TBC1D9B: variants seen among roughly 807,000 people sequenced by gnomAD.
TBC1D9B encodes TBC1 domain family, member 9B (with GRAM domain).
A neutral mutation model predicts 121.1 loss-of-function variants in TBC1D9B; 87 were observed. The observed-to-expected ratio is 0.72, with a 90% CI of 0.60 to 0.86. TBC1D9B has a LOEUF of 0.86. Ranked by LOEUF, TBC1D9B falls within the 40% of genes least tolerant of loss-of-function variation. TBC1D9B has a pLI of 0.00. For synonymous variants in TBC1D9B, 668 were observed against 670.1 expected, an observed-to-expected ratio of 1.00 and a Z score of 0.05; for missense variants, 1,540 against 1,628.6, an observed-to-expected ratio of 0.95 and a Z score of 0.94.
intron 16 of TBC1D9B, 65 bp from the exon 17 acceptor site, chr5:179,869,899 C>A: frequency 6.9e-7 from 1 of 1,439,772 alleles, no homozygotes; most frequent in Non-Finnish European, 9.3e-7. Flanking sequence ...CCAGGGGGTC[C>A]GAGTAGGACC....
Position 179,865,891 on chromosome 5 carries a change from G to A in TBC1D9B, c.2864-3C>T, listed in dbSNP as rs1235971154. ...TTGCTCTTCCTGTGGTAGTGCTTCT[G>A]GACAAACGCAAAAATAAAAAGAACA... On this transcript the variant is annotated splice_polypyrimidine_tract_variant and splice_region_variant and intron_variant, in intron 18 of 20. Coordinates refer to ENST00000355235, the MANE Select transcript of TBC1D9B (RefSeq NM_015043.4). The surrounding 1 kb of genome is among the most constrained non-coding windows in gnomAD (Gnocchi z 5.1). 2 of 1,613,882 alleles carry A rather than the reference G, an allele frequency of 1.2e-6. No individual in the cohort carries two copies. The highest frequency in any genetic ancestry group is 1.7e-5 in the Admixed American group (1 of 60,006).
chr5:179,906,525 G>A (rs1015358626), intron 1 of TBC1D9B, among the ~76,000 whole-genome samples: 5 of 152,338 alleles, frequency 3.3e-5, no homozygotes, highest in African/African-American at 1.2e-4. Flanking sequence ...CTGGCGCGCT[G>A]GCGGAAGAAA....
chr5:179,864,883 G>T (rs980636501), intron 20 of TBC1D9B, among the ~76,000 whole-genome samples: 3 of 152,262 alleles, frequency 2.0e-5, no homozygotes, highest in African/African-American at 2.4e-5. Flanking sequence ...CTTCTGATCT[G>T]CGAGACCAGT....
chr5:179,887,706 C>T (rs745314547), intron 7 of TBC1D9B: 14 of 242,282 alleles, frequency 5.8e-5, no homozygotes, highest in Non-Finnish European at 9.6e-5. Context: ...TTTGCTGGTA[C>T]AATAGTGATA....
At position 179,865,804 on chromosome 5, in the gene TBC1D9B, G is replaced by A. The variant is rs1759990230; in HGVS notation, c.2914+34C>T. ...CAAGCAAGGGTGCCTCAACGCTGGG[G>A]TCTCTAAGAACAGCGGCAGAGAATG... On this transcript the variant is annotated intron_variant, in intron 19 of 20. Transcript: ENST00000355235. The surrounding 1 kb of genome is among the most constrained non-coding windows in gnomAD (Gnocchi z 5.1). The A allele has an allele frequency of 6.4e-7, 1 of 1,567,964 alleles. No individual in the cohort carries two copies. Among genetic ancestry groups the A allele is most frequent in the Non-Finnish European group, 8.6e-7 (1 of 1,156,382 alleles).
In TBC1D9B at chr5:179,904,398, GTGT is replaced by G. The variant is rs1328843400; in HGVS notation, c.229+301_229+303del. Among the ~76,000 whole-genome samples, 1 of 151,824 alleles carries G rather than the reference GTGT, an allele frequency of 6.6e-6. No individual in the cohort carries two copies. Among genetic ancestry groups the G allele is most frequent in the Non-Finnish European group, 1.5e-5 (1 of 67,930 alleles). ...CGCCACCACCCCCAGCTAATTTTTT[GTGT>G]TTTTTAGTAGAGACGTGGTTTCACC... On this transcript the variant is annotated intron_variant, in intron 2 of 20. Transcript: ENST00000355235. This position sits in a 1 kb window ranked among gnomAD's most constrained non-coding sequence, Gnocchi z 4.2.
Position 179,863,264 on chromosome 5 carries a change from G to T in TBC1D9B, c.*184C>A. The T allele has an allele frequency of 1.5e-6, 1 of 673,232 alleles. No individual in the cohort carries two copies. Among genetic ancestry groups the T allele is most frequent in the Non-Finnish European group, 2.4e-6 (1 of 413,924 alleles). 41.7% of individuals were successfully genotyped at this position (673,232 alleles called of 1,614,324 possible). ...GAAGCAGCCGGCGCCAGGAGATGCA[G>T]GCCCAGGGAATCTGTCTAAGGCAGC... On this transcript the variant is annotated 3_prime_UTR_variant, in exon 21 of 21. Transcript: ENST00000355235. This position sits in a 1 kb window ranked among gnomAD's most constrained non-coding sequence, Gnocchi z 4.5.
rs1405953112 is a variant in TBC1D9B at position 179,864,244 on chromosome 5, A to C, written c.3022-116T>G. ...TAAGGATGTTGGCTGCCGTCTTGCT[A>C]ATCATCTCCATGAGCCTCATCAGTC... On this transcript the variant is annotated intron_variant, in intron 20 of 20. Coordinates refer to ENST00000355235, the MANE Select transcript of TBC1D9B (RefSeq NM_015043.4). 3 of 1,034,684 alleles carry C rather than the reference A, an allele frequency of 2.9e-6. No homozygotes were observed. In the Admixed American group the frequency reaches 8.2e-5, roughly 28 times the overall value. The allele number at this position is 1,034,684 out of a possible 1,614,324, so 64.1% of individuals were successfully genotyped here.
chr5:179,896,778 C>A (rs746454522), intron 3 of TBC1D9B, among the ~76,000 whole-genome samples: 20 of 152,216 alleles, frequency 1.3e-4, no homozygotes, highest in Non-Finnish European at 2.5e-4. Context: ...CCTGCCTTAG[C>A]CTCCCAAAGT....
chr5:179,875,440 C>A lies in TBC1D9B; in HGVS notation c.1901-253G>T, dbSNP rs1026812768. Reference sequence around the variant, plus strand: ...TATTTTGGGGAAATACTGATTTCTCCGTAAGGCATGAGAGGTAAACAGCAC... The same window carrying A: ...TATTTTGGGGAAATACTGATTTCTCAGTAAGGCATGAGAGGTAAACAGCAC... On this transcript the variant is annotated intron_variant, in intron 11 of 20. Coordinates refer to ENST00000355235, the MANE Select transcript of TBC1D9B (RefSeq NM_015043.4). The surrounding 1 kb of genome is among the most constrained non-coding windows in gnomAD (Gnocchi z 4.5). Among the ~76,000 whole-genome samples the A allele has an allele frequency of 5.9e-5, 9 of 152,166 alleles. No individual in the cohort carries two copies. The highest frequency in any genetic ancestry group is 2.9e-5 in the Non-Finnish European group (2 of 68,034).
intron 14 of TBC1D9B, 38 bp downstream of exon 14, chr5:179,872,854 C>T (rs755663186): frequency 1.3e-6 from 2 of 1,533,566 alleles, no homozygotes; most frequent in Non-Finnish European, 1.8e-6. Context: ...TGCTGCCCCC[C>T]CAGCCCAGCC....
Position 179,891,479 on chromosome 5 carries a change from T to C in TBC1D9B, c.944A>G (p.Asn315Ser), listed in dbSNP as rs1271722448. The change falls in exon 6 of 21, where the codon AAC (asparagine) becomes AGC (serine). Residue 315 changes from asparagine to serine, a missense_variant. By Grantham distance (46) the Asn-to-Ser change is conservative. Coordinates refer to ENST00000355235, the MANE Select transcript of TBC1D9B (RefSeq NM_015043.4). This position sits in a 1 kb window ranked among gnomAD's most constrained non-coding sequence, Gnocchi z 4.3. ...CATCTGGCCAGGGATGTGCAGCTTGTTGAACGGCGTCCACAGGGTGCAGCT... is the reference window on the plus strand; with the variant it reads ...CATCTGGCCAGGGATGTGCAGCTTGCTGAACGGCGTCCACAGGGTGCAGCT... The part of the protein sequence containing the change: ...HTSCTLWTPF[N>S]KLHIPGQMFI... The C allele has an allele frequency of 1.2e-6, 2 of 1,614,234 alleles. No homozygotes were observed. Among genetic ancestry groups the C allele is most frequent in the Non-Finnish European group, 8.5e-7 (1 of 1,180,038 alleles).
chr5:179,866,128 C>CCTCAATTCCTTT (rs1357589112), intron 18 of TBC1D9B: 8 of 514,620 alleles, frequency 1.6e-5, no homozygotes, highest in Non-Finnish European at 2.4e-5. Context: ...GCCGCCAAAC[C>CCTCAATTCCTTT]CTCAATTCCT....
intron 14 of TBC1D9B, 73 bp from the exon 15 acceptor site, chr5:179,871,603 A>G: frequency 6.6e-7 from 1 of 1,526,082 alleles, no homozygotes; most frequent in Non-Finnish European, 9.0e-7. Flanking sequence ...ACTCTGTGAG[A>G]GCATCCTCGG....
At chr5:179,877,515 T>C (rs1020615957) in intron 10 of TBC1D9B, among the ~76,000 whole-genome samples, 2 of 151,292 alleles carry the variant, frequency 1.3e-5, no homozygotes, top group Non-Finnish European at 2.9e-5. Context: ...ATACAAAACA[T>C]TAACTGGGCA....
rs1561651321 is a variant in TBC1D9B, at chr5:179,904,226, T to TC, written c.229+475_229+476insG. 1.4e-5 allele frequency among the ~76,000 whole-genome samples: 2 copies of TC among 143,518 alleles called. No homozygotes were observed. Among genetic ancestry groups the TC allele is most frequent in the East Asian group, 2.0e-4 (1 of 4,988 alleles). 94.2% of individuals were successfully genotyped at this position (143,518 alleles called of 152,430 possible). On this transcript the variant is annotated intron_variant, in intron 2 of 20. Coordinates refer to ENST00000355235, the MANE Select transcript of TBC1D9B (RefSeq NM_015043.4). The surrounding 1 kb of genome is among the most constrained non-coding windows in gnomAD (Gnocchi z 4.2). ...CCATGACCAGTGGAGCTGCCTTTTT[T>TC]TTTTTTTTTTTTTTTTGAGACGGAA...
At chr5:179,899,396 C>G (rs1187003642) in intron 2 of TBC1D9B, 89 bp from the exon 3 acceptor site, 1 of 1,094,326 alleles carries the variant, frequency 9.1e-7, no homozygotes, top group Non-Finnish European at 1.4e-6. Flanking sequence ...AAGTGGGTGA[C>G]CTCATTTGCT....
chr5:179,869,675 C>T (rs753830053), intron 17 of TBC1D9B, 94 bp downstream of exon 17: 226 of 1,401,074 alleles, frequency 1.6e-4, no homozygotes, highest in Non-Finnish European at 2.0e-4. Context: ...TGTGCCCCCT[C>T]GAGGCCCCAC....
chr5:179,903,707 T>G (rs962819915), intron 2 of TBC1D9B, among the ~76,000 whole-genome samples: 6 of 152,234 alleles, frequency 3.9e-5, no homozygotes, highest in South Asian at 2.1e-4. Flanking sequence ...GAAGCTGCTC[T>G]CATGCACAGA....
Sources: allele counts gnomAD v4.1 joint callset (sites outside exome capture counted in the v4.1 genomes callset), GRCh38; gene constraint gnomAD v4.1.1; non-coding constraint Gnocchi (gnomAD v3.1); transcripts MANE v1.5; gene names NCBI Gene and HGNC (gene_info 2026-07-23, HGNC 2026-07-21).